PLEKHA7: variants seen among roughly 807,000 people sequenced by gnomAD.
PLEKHA7 encodes the protein pleckstrin homology domain containing A7.
Under a neutral mutation model 170.0 loss-of-function variants are expected in PLEKHA7, and 104 were observed. The ratio of observed to expected loss-of-function variants is 0.61; its 90% CI spans 0.52 to 0.72. PLEKHA7 has a LOEUF of 0.72. Among genes scored for constraint, PLEKHA7 ranks in the 30% least tolerant of loss-of-function variants. PLEKHA7 has a pLI of 0.00. For synonymous variants in PLEKHA7, 648 were observed against 660.8 expected (o/e 0.98, Z 0.30); for missense variants, 1,615 against 1,671.7 (o/e 0.97, Z 0.59).
intron 3 of PLEKHA7, among the ~76,000 whole-genome samples, chr11:16,989,046 G>T: frequency 6.6e-6 from 1 of 152,200 alleles, no homozygotes; most frequent in Non-Finnish European, 1.5e-5. Context: ...CCTCAAAGGG[G>T]TGACCCATGA....
chr11:16,966,967 G>A lies in PLEKHA7; in HGVS notation c.221+47022C>T, dbSNP rs1862412053. Among the ~76,000 whole-genome samples the A allele has an allele frequency of 3.9e-5, 6 of 152,100 alleles. No individual in the cohort carries two copies. The South Asian group carries it at 1.2e-3, about 32-fold the overall frequency. On this transcript the variant is annotated intron_variant, in intron 3 of 26. Transcript: ENST00000531066. ...GTGGCGAAATGGTTCATCTACAAAT[G>A]GGCTACACATTAAATTACTTTTCAG...
At chr11:16,872,882 T>C (rs1426276586) in intron 3 of PLEKHA7, among the ~76,000 whole-genome samples, 2 of 152,320 alleles carry the variant, frequency 1.3e-5, no homozygotes, top group South Asian at 2.1e-4. Flanking sequence ...CTTTAGGTAC[T>C]GGGGATAAAA....
At chr11:16,855,764 A>G (rs1853386634) in intron 5 of PLEKHA7, 39 bp downstream of exon 5, 1 of 1,473,076 alleles carries the variant, frequency 6.8e-7, no homozygotes, top group African/African-American at 1.4e-5. Flanking sequence ...GGCAAAATAT[A>G]AAAGAAGGGA....
In PLEKHA7 at chr11:16,839,839, A is replaced by G. The variant is rs112595350; in HGVS notation, c.872+1708T>C. On this transcript the variant is annotated intron_variant, in intron 9 of 26. Transcript: ENST00000531066. ...TGGATACCAAGGAATGACTACATAC[A>G]TATACTGTAAACATATATATATATT... 1.7e-3 allele frequency among the ~76,000 whole-genome samples: 264 copies of G among 152,316 alleles called. 3 individuals carry two copies. Among genetic ancestry groups the G allele is most frequent in the African/African-American group, 6.0e-3 (250 of 41,576 alleles).
Position 17,014,351 on chromosome 11 carries a change from GT to G in PLEKHA7, c.50del (p.Tyr17SerfsTer35). ...AGACGCGGCCATCCCGGCACACCCC[GT>G]AGGACCAATGCTCAGGTAAAGTGTC... ...GRDTLPEHWS[Y>X]GVCRDGRVFF... is the part of the protein sequence containing the mutation. On this transcript the variant is annotated frameshift_variant, in exon 1 of 27. Transcript: ENST00000531066. LOFTEE classifies it high-confidence loss of function. The G allele has an allele frequency of 6.2e-6, 9 of 1,442,286 alleles. No homozygotes were observed. Among genetic ancestry groups the G allele is most frequent in the Non-Finnish European group, 8.2e-6 (9 of 1,092,058 alleles). The allele number at this position is 1,442,286 out of a possible 1,614,324, so 89.3% of individuals were successfully genotyped here. A position where few individuals can be genotyped will look rare whatever the true frequency, so the allele number is the denominator to read the frequency against.
chr11:16,778,885 C>T lies in PLEKHA7; in HGVS notation c.*113G>A, dbSNP rs552766093. The T allele has an allele frequency of 5.6e-5, 39 of 697,240 alleles. No individual in the cohort carries two copies. The highest frequency in any genetic ancestry group is 4.5e-5 in the South Asian group (3 of 67,098). 43.2% of individuals were successfully genotyped at this position (697,240 alleles called of 1,614,324 possible). ...GCAGTCGGTAAGCTGCTCCTTCCTCCGGCCGGATTCCCTGCTCAGCTGGAA... is the reference window on the plus strand; with the variant it reads ...GCAGTCGGTAAGCTGCTCCTTCCTCTGGCCGGATTCCCTGCTCAGCTGGAA... On this transcript the variant is annotated 3_prime_UTR_variant, in exon 27 of 27. Transcript: ENST00000531066.
At chr11:16,866,423 C>A (rs576928669) in intron 4 of PLEKHA7, among the ~76,000 whole-genome samples, 1 of 152,068 alleles carries the variant, frequency 6.6e-6, no homozygotes, top group African/African-American at 2.4e-5. Flanking sequence ...GAAACCCCGT[C>A]TCTACTAAAA....
intron 3 of PLEKHA7, among the ~76,000 whole-genome samples, chr11:16,964,660 G>C (rs996907590): frequency 7.9e-5 from 12 of 152,222 alleles, no homozygotes; most frequent in Non-Finnish European, 4.4e-5. Flanking sequence ...ATGAGGGCTG[G>C]CTGGGCAGGG....
At position 17,002,468 on chromosome 11, in the gene PLEKHA7, G is replaced by A. The variant is rs117066935; in HGVS notation, c.221+11521C>T. 6.1e-3 allele frequency among the ~76,000 whole-genome samples: 920 copies of A among 151,752 alleles called. 12 individuals carry two copies. Among genetic ancestry groups the A allele is most frequent in the Middle Eastern group, 0.01 (3 of 294 alleles). On this transcript the variant is annotated intron_variant, in intron 3 of 26. Coordinates refer to ENST00000531066, the MANE Select transcript of PLEKHA7 (RefSeq NM_001329630.2). ...AGAGCCACAAGGCACCATGTACCAC[G>A]TAGAAACTGCATAGAATTTGGAGCC...
intron 13 of PLEKHA7, among the ~76,000 whole-genome samples, chr11:16,805,430 T>TC (rs753196248): frequency 3.9e-5 from 6 of 152,130 alleles, no homozygotes; most frequent in African/African-American, 7.2e-5. Flanking sequence ...ACCTTTTTTT[T>TC]CTCTCTCTCA....
intron 3 of PLEKHA7, among the ~76,000 whole-genome samples, chr11:16,907,098 T>C (rs7938150): frequency 0.94 from 119,818 of 127,702 alleles, 56,272 homozygotes; most frequent in Middle Eastern, 0.97. Context: ...GCAGCCACCC[T>C]GTCTGGGAGG....
chr11:16,813,340 C>T (rs571411937), intron 12 of PLEKHA7, 174 bp from the exon 13 acceptor site: 5 of 485,662 alleles, frequency 1.0e-5, no homozygotes, highest in Admixed American at 3.1e-5. Context: ...AGCTGAGAGC[C>T]GTCTTTCAGC....
chr11:16,926,248 C>T lies in PLEKHA7; in HGVS notation c.222-55066G>A, dbSNP rs548842465. On this transcript the variant is annotated intron_variant, in intron 3 of 26. Transcript: ENST00000531066. ...CAGGCACCCAGCGAAGGAGACCATA[C>T]CCTCTGGCTTGTCTCTGCCCTCGCA... Among the ~76,000 whole-genome samples, 20 of 152,352 alleles carry T rather than the reference C, an allele frequency of 1.3e-4. No individual in the cohort carries two copies. In the South Asian group the frequency reaches 4.1e-3, roughly 32 times the overall value.
At chr11:16,847,841 T>TC (rs1852577302) in intron 8 of PLEKHA7, among the ~76,000 whole-genome samples, 1 of 63,432 alleles carries the variant, frequency 1.6e-5, no homozygotes, top group Non-Finnish European at 2.8e-5. Flanking sequence ...AAATTCTGTC[T>TC]CAAAAAAAAA....
chr11:16,964,720 G>T (rs1464815827), intron 3 of PLEKHA7, among the ~76,000 whole-genome samples: 1 of 152,220 alleles, frequency 6.6e-6, no homozygotes, highest in East Asian at 1.9e-4. Context: ...GGTCCAGCCA[G>T]CTGTGCGCTC....
In PLEKHA7 at chr11:16,889,420, A is replaced by AAAAAAAAAAAT. The variant is rs61086849; in HGVS notation, c.222-18239_222-18238insATTTTTTTTTT. On this transcript the variant is annotated intron_variant, in intron 3 of 26. Transcript: ENST00000531066. Reference sequence around the variant, plus strand: ...TTGCTCAAAAAAAAAAAAAAAAAAAAATATATATATATATATATATATATA... The same window carrying AAAAAAAAAAAT: ...TTGCTCAAAAAAAAAAAAAAAAAAAAAAAAAAAAAATATATATATATATATATATATATATA... 6.8e-4 allele frequency among the ~76,000 whole-genome samples: 51 copies of AAAAAAAAAAAT among 74,666 alleles called. 1 individual carries two copies. Among genetic ancestry groups the AAAAAAAAAAAT allele is most frequent in the Non-Finnish European group, 9.9e-4 (42 of 42,254 alleles). 49.0% of individuals were successfully genotyped at this position (74,666 alleles called of 152,430 possible).
At chr11:16,807,634 G>A (rs965639594) in intron 13 of PLEKHA7, among the ~76,000 whole-genome samples, 9 of 152,046 alleles carry the variant, frequency 5.9e-5, no homozygotes, top group East Asian at 3.8e-4. Flanking sequence ...GTTTAGAGTC[G>A]TGCCATGCAT....
chr11:16,964,169 A>G (rs1160951148), intron 3 of PLEKHA7, among the ~76,000 whole-genome samples: 3 of 152,192 alleles, frequency 2.0e-5, no homozygotes, highest in Admixed American at 6.5e-5. Flanking sequence ...AGGGCTCAGT[A>G]ATATTCAATT....
chr11:16,791,014 G>A lies in PLEKHA7; in HGVS notation c.2931C>T (p.Ser977=), dbSNP rs1271602448. The change falls in exon 20 of 27, where the codon TCC becomes TCT. Residue 977 remains serine (S), a synonymous_variant. Coordinates refer to ENST00000531066, the MANE Select transcript of PLEKHA7 (RefSeq NM_001329630.2). This position sits in a 1 kb window ranked among gnomAD's most constrained non-coding sequence, Gnocchi z 4.5. ...AGCCCCAGGGTCCCCCGCTCACCCT[G>A]GAATCCCCATTCACACACTGCCCCA... ...RELGQCVNGD[S]RVELRSYVSE... is the part of the protein sequence containing the mutation. 1 of 1,613,932 alleles carries A rather than the reference G, an allele frequency of 6.2e-7. No individual in the cohort carries two copies. The highest frequency in any genetic ancestry group is 8.5e-7 in the Non-Finnish European group (1 of 1,180,026).
Sources: gnomAD v4.1 joint callset for allele counts (sites outside exome capture counted in the v4.1 genomes callset) on GRCh38, gnomAD v4.1.1 for gene constraint, Gnocchi (gnomAD v3.1) non-coding constraint, MANE v1.5 for transcripts, NCBI Gene and HGNC (gene_info 2026-07-23, HGNC 2026-07-21) for gene names.